The following DGKB variants were observed in gnomAD, a reference collection of about 807,000 sequenced individuals.
The protein encoded by DGKB is 90 kDa diacylglycerol kinase.
DGKB carries 67 observed loss-of-function variants against 114.3 expected under a neutral mutation model. The observed-to-expected ratio is 0.59, with a 90% CI of 0.48 to 0.72. The LOEUF (loss-of-function observed/expected upper bound fraction) is 0.72. Ranked by LOEUF, DGKB falls within the 30% of genes least tolerant of loss-of-function variation. The pLI is 0.00. For missense variants in DGKB, 907 were observed against 975.2 expected (o/e 0.93, Z 0.93); for synonymous variants, 398 against 323.1 (o/e 1.23, Z -2.49).
At chr7:14,783,516 T>C (rs1484126807) in intron 2 of DGKB, among the ~76,000 whole-genome samples, 1 of 152,210 alleles carries the variant, frequency 6.6e-6, no homozygotes, top group Non-Finnish European at 1.5e-5. Context: ...AGCCATTTCA[T>C]CCTGCTTTCG....
chr7:14,520,862 A>T (rs1249262783), intron 20 of DGKB, among the ~76,000 whole-genome samples: 1 of 152,076 alleles, frequency 6.6e-6, no homozygotes, highest in Non-Finnish European at 1.5e-5. Flanking sequence ...TCATTTTTTA[A>T]TCTGGGAAGG....
intron 23 of DGKB, among the ~76,000 whole-genome samples, chr7:14,245,753 C>T (rs1038278375): frequency 3.3e-5 from 5 of 152,034 alleles, no homozygotes; most frequent in Non-Finnish European, 7.4e-5. Flanking sequence ...CATGGTGAAA[C>T]CCCGTCTCTA....
intron 17 of DGKB, among the ~76,000 whole-genome samples, chr7:14,600,657 T>C (rs748036576): frequency 1.7e-4 from 26 of 151,902 alleles, no homozygotes; most frequent in South Asian, 2.1e-4. Context: ...AAGGGATAAA[T>C]AGGAAAGAAG....
intron 23 of DGKB, among the ~76,000 whole-genome samples, chr7:14,195,515 T>C (rs930519599): frequency 6.6e-6 from 1 of 152,142 alleles, no homozygotes; most frequent in African/African-American, 2.4e-5. Context: ...TAAAATGCAA[T>C]GTAATACAGG....
chr7:14,947,061 A>C (rs1366799151), intron 1 of DGKB, among the ~76,000 whole-genome samples: 1 of 151,640 alleles, frequency 6.6e-6, no homozygotes, highest in Non-Finnish European at 1.5e-5. Context: ...GATAAGAATT[A>C]AAAAGGGAGA....
At chr7:14,159,209 T>C (rs1438029205) in intron 25 of DGKB, among the ~76,000 whole-genome samples, 1 of 152,168 alleles carries the variant, frequency 6.6e-6, no homozygotes, top group Non-Finnish European at 1.5e-5. Flanking sequence ...TCTTCTTTCA[T>C]GTCTTCCTTC....
chr7:14,704,276 ATAC>A (rs1242873352), intron 6 of DGKB, among the ~76,000 whole-genome samples: 2 of 111,976 alleles, frequency 1.8e-5, no homozygotes, highest in African/African-American at 4.1e-5. Flanking sequence ...TCTACTAAAA[ATAC>A]AAAAAAAAAA....
chr7:14,906,769 A>T (rs1407688221), upstream of DGKB, among the ~76,000 whole-genome samples: 1 of 152,056 alleles, frequency 6.6e-6, no homozygotes, highest in Non-Finnish European at 1.5e-5. Flanking sequence ...TCCATCTTTA[A>T]TCACAGCACT....
intron 1 of DGKB, among the ~76,000 whole-genome samples, chr7:14,939,171 G>A (rs1785427142): frequency 6.6e-6 from 1 of 151,636 alleles, no homozygotes; most frequent in Non-Finnish European, 1.5e-5. Context: ...TTAGTACTTT[G>A]TACATAGTAT....
intron 2 of DGKB, among the ~76,000 whole-genome samples, chr7:14,783,576 A>G (rs1043994601): frequency 6.6e-6 from 1 of 152,238 alleles, no homozygotes; most frequent in African/African-American, 2.4e-5. Flanking sequence ...GTGGTTATGT[A>G]TGGTCATTTC....
chr7:14,334,337 T>C (rs995266715), intron 23 of DGKB, among the ~76,000 whole-genome samples: 3 of 127,492 alleles, frequency 2.4e-5, no homozygotes, highest in Non-Finnish European at 3.4e-5. Flanking sequence ...GCCACAGTTA[T>C]TTATTTCTTT....
At chr7:14,864,794 C>A (rs186627582) in intron 1 of DGKB, among the ~76,000 whole-genome samples, 69 of 141,556 alleles carry the variant, frequency 4.9e-4, no homozygotes, top group African/African-American at 5.2e-4. Flanking sequence ...GAGATGATGA[C>A]AAAAAAAAAA....
At chr7:14,366,916 C>T (rs192680399) in intron 21 of DGKB, among the ~76,000 whole-genome samples, 191 of 152,168 alleles carry the variant, frequency 1.3e-3, no homozygotes, top group African/African-American at 4.4e-3. Context: ...CTATAACTTG[C>T]GTTATAGCCT....
intron 20 of DGKB, among the ~76,000 whole-genome samples, chr7:14,491,771 C>A (rs1228959886): frequency 1.3e-5 from 2 of 151,982 alleles, no homozygotes; most frequent in African/African-American, 2.4e-5. Context: ...TAACATTTGT[C>A]CTCATTCTTT....
At chr7:14,507,821 A>G (rs1458630755) in intron 20 of DGKB, among the ~76,000 whole-genome samples, 1 of 152,176 alleles carries the variant, frequency 6.6e-6, no homozygotes, top group Non-Finnish European at 1.5e-5. Context: ...AGCCAAAAAA[A>G]CACGTGAGTC....
intron 2 of DGKB, among the ~76,000 whole-genome samples, chr7:14,809,303 T>A (rs1843135383): frequency 6.6e-6 from 1 of 152,076 alleles, no homozygotes; most frequent in African/African-American, 2.4e-5. Flanking sequence ...CCTGCTATAG[T>A]CCTAGTGCTC....
intron 21 of DGKB, among the ~76,000 whole-genome samples, chr7:14,471,286 A>G (rs1053918562): frequency 1.4e-5 from 2 of 145,572 alleles, no homozygotes; most frequent in Admixed American, 6.9e-5. Context: ...ACATACATAT[A>G]TGTATGGAAT....
At chr7:14,610,481 C>T (rs138370244) in intron 16 of DGKB, among the ~76,000 whole-genome samples, 81 of 152,070 alleles carry the variant, frequency 5.3e-4, no homozygotes, top group Admixed American at 3.9e-4. Context: ...TGCACATGTA[C>T]CTCCTGTATC....
Position 14,686,000 on chromosome 7 carries a change from G to C in DGKB, c.712-638C>G, listed in dbSNP as rs74581402. Among the ~76,000 whole-genome samples the C allele has an allele frequency of 7.7e-4, 117 of 152,154 alleles. 1 individual carries two copies. The East Asian group carries it at 0.016, about 20-fold the overall frequency. ...ATTTTAAAAGGCAAACTTTTTAAAGGATTTCATTATGTTACCATTTTGTTT... is the reference window on the plus strand; with the variant it reads ...ATTTTAAAAGGCAAACTTTTTAAAGCATTTCATTATGTTACCATTTTGTTT... On this transcript the variant is annotated intron_variant, in intron 9 of 25. Coordinates refer to ENST00000402815, the MANE Select transcript of DGKB (RefSeq NM_001350709.2).
Sources: gnomAD v4.1 joint callset for allele counts (sites outside exome capture counted in the v4.1 genomes callset) on GRCh38, gnomAD v4.1.1 for gene constraint, MANE v1.5 for transcripts, NCBI Gene and HGNC (gene_info 2026-07-23, HGNC 2026-07-21) for gene names.